AAGAB: variants seen among roughly 807,000 people sequenced by gnomAD.
The protein encoded by AAGAB is alpha- and gamma-adaptin-binding protein p34.
In AAGAB, 38 loss-of-function variants were observed where a neutral mutation model predicts 44.1. The observed-to-expected ratio is 0.86, with a 90% CI of 0.67 to 1.13. AAGAB has a LOEUF of 1.13. Among genes scored for constraint, AAGAB ranks in the 50% most tolerant of loss-of-function variants. The pLI is 0.00. For missense variants in AAGAB, 450 were observed against 373.8 expected (o/e 1.20, Z -1.68); for synonymous variants, 131 against 131.8 (o/e 0.99, Z 0.04).
chr15:67,232,695 G>T, intron 4 of AAGAB: 2 of 279,020 alleles, frequency 7.2e-6, no homozygotes, highest in South Asian at 8.7e-5. Flanking sequence ...AAACAAAAAT[G>T]AACACAAACA....
chr15:67,246,384 C>T (rs989703546), intron 1 of AAGAB, among the ~76,000 whole-genome samples: 1 of 139,392 alleles, frequency 7.2e-6, no homozygotes, highest in East Asian at 2.0e-4. Context: ...AGAGGAAGAT[C>T]CTGTCTCAAA....
chr15:67,253,357 G>C (rs1353564266), intron 1 of AAGAB, among the ~76,000 whole-genome samples: 1 of 151,904 alleles, frequency 6.6e-6, no homozygotes, highest in African/African-American at 2.4e-5. Flanking sequence ...GAGCCCAGGA[G>C]GCAGAGGTTG....
At chr15:67,238,100 C>T (rs1011316115) in intron 1 of AAGAB, among the ~76,000 whole-genome samples, 3 of 151,938 alleles carry the variant, frequency 2.0e-5, no homozygotes, top group Non-Finnish European at 4.4e-5. Context: ...AAAAGGTCGG[C>T]CCTTTTTTTA....
At chr15:67,212,229 G>T (rs1198668001) in intron 5 of AAGAB, among the ~76,000 whole-genome samples, 1 of 152,196 alleles carries the variant, frequency 6.6e-6, no homozygotes, top group Non-Finnish European at 1.5e-5. Flanking sequence ...AACTGGGAGG[G>T]ACGGGAGTTA....
intron 9 of AAGAB, 38 bp downstream of exon 9, chr15:67,203,510 T>C: frequency 6.3e-7 from 1 of 1,579,580 alleles, no homozygotes; most frequent in Non-Finnish European, 8.7e-7. Flanking sequence ...ACTGGACCTT[T>C]TATAGGTATT....
chr15:67,234,085 A>C (rs2140376796), intron 4 of AAGAB, among the ~76,000 whole-genome samples: 1 of 140,312 alleles, frequency 7.1e-6, no homozygotes, highest in Non-Finnish European at 1.6e-5. Flanking sequence ...TACTAAAAAT[A>C]CAAAAAAAAA....
intron 1 of AAGAB, among the ~76,000 whole-genome samples, chr15:67,252,835 A>G (rs1964901492): frequency 6.6e-6 from 1 of 152,224 alleles, no homozygotes; most frequent in African/African-American, 2.4e-5. Context: ...AAGTCATATA[A>G]TATCTGCACT....
chr15:67,243,557 G>A (rs1252134955), intron 1 of AAGAB, among the ~76,000 whole-genome samples: 1 of 152,100 alleles, frequency 6.6e-6, no homozygotes, highest in Non-Finnish European at 1.5e-5. Context: ...GTGAGTAGAG[G>A]TCAAAAATAC....
Position 67,209,551 on chromosome 15 carries a change from A to C in AAGAB, c.536-7T>G, listed in dbSNP as rs963939805. 6.2e-7 allele frequency: 1 copy of C among 1,610,142 alleles called. No individual in the cohort carries two copies. ...CTAAAGCCTTGGTTCCTATCTGAAA[A>C]GGAAAAATACACTTAGTGAAATTTG... On this transcript the variant is annotated splice_polypyrimidine_tract_variant and splice_region_variant and intron_variant, in intron 5 of 9. Coordinates refer to ENST00000261880, the MANE Select transcript of AAGAB (RefSeq NM_024666.5).
At chr15:67,249,350 T>C (rs2140399555) in intron 1 of AAGAB, among the ~76,000 whole-genome samples, 1 of 152,182 alleles carries the variant, frequency 6.6e-6, no homozygotes, top group Non-Finnish European at 1.5e-5. Context: ...CACAGAATTT[T>C]ACATCTAGAA....
intron 1 of AAGAB, among the ~76,000 whole-genome samples, chr15:67,239,969 T>C (rs769002808): frequency 7.2e-5 from 11 of 152,210 alleles, no homozygotes; most frequent in African/African-American, 2.4e-4. Flanking sequence ...ACTTGCCTAA[T>C]AGGAGCAGAG....
chr15:67,208,502 C>T (rs1207348270), intron 7 of AAGAB, 60 bp downstream of exon 7: 49 of 1,474,854 alleles, frequency 3.3e-5, no homozygotes, highest in Non-Finnish European at 3.9e-5. Flanking sequence ...ACAATTTCTG[C>T]CCAGATACCT....
At chr15:67,217,570 G>A (rs533724350) in intron 5 of AAGAB, among the ~76,000 whole-genome samples, 1 of 152,086 alleles carries the variant, frequency 6.6e-6, no homozygotes, top group East Asian at 1.9e-4. Context: ...ATGGAGTCTC[G>A]CTCTATCACC....
At chr15:67,204,570 C>T (rs1363591501) in intron 7 of AAGAB, among the ~76,000 whole-genome samples, 5 of 151,772 alleles carry the variant, frequency 3.3e-5, no homozygotes, top group East Asian at 1.9e-4. Flanking sequence ...CATCTATTAC[C>T]GACAACCACT....
At chr15:67,216,540 T>C (rs1963955138) in intron 5 of AAGAB, among the ~76,000 whole-genome samples, 4 of 150,680 alleles carry the variant, frequency 2.7e-5, no homozygotes, top group Non-Finnish European at 4.4e-5. Flanking sequence ...TGTTGTTTTT[T>C]TTTTTCCCTA....
chr15:67,252,300 C>T (rs935719372), intron 1 of AAGAB, among the ~76,000 whole-genome samples: 34 of 152,250 alleles, frequency 2.2e-4, no homozygotes, highest in African/African-American at 7.9e-4. Flanking sequence ...TTCCATGTAT[C>T]GCTAATAGGA....
At chr15:67,237,715 A>G (rs1294022365) in intron 1 of AAGAB, among the ~76,000 whole-genome samples, 2 of 152,168 alleles carry the variant, frequency 1.3e-5, no homozygotes, top group Non-Finnish European at 2.9e-5. Context: ...ACTTTATACA[A>G]ATGTGGAAAA....
chr15:67,242,900 T>C (rs1964636924), intron 1 of AAGAB: 2 of 152,168 alleles, frequency 1.3e-5, no homozygotes, highest in South Asian at 2.1e-4. Context: ...GCTTTAACAA[T>C]AGTACAGAGA....
At chr15:67,203,718 T>C in intron 8 of AAGAB, 121 bp from the exon 9 acceptor site, 8 of 872,418 alleles carry the variant, frequency 9.2e-6, no homozygotes, top group South Asian at 8.1e-5. Context: ...AGTCATTACA[T>C]GTATTAGGAA....
Sources: allele counts gnomAD v4.1 joint callset (sites outside exome capture counted in the v4.1 genomes callset), GRCh38; gene constraint gnomAD v4.1.1; transcripts MANE v1.5; gene names NCBI Gene and HGNC (gene_info 2026-07-23, HGNC 2026-07-21).